The following JAK2 variants were observed in gnomAD, a reference collection of about 807,000 sequenced individuals.
The protein encoded by JAK2 is Janus kinase 2.
In JAK2, 86 loss-of-function variants were observed where a neutral mutation model predicts 139.3. The observed-to-expected ratio is 0.62, with a 90% confidence interval of 0.52 to 0.74. The LOEUF is 0.74. JAK2 is among the 30% of genes least tolerant of loss of function. The pLI is 0.00. For synonymous variants in JAK2, 490 were observed against 437.7 expected, an observed-to-expected ratio of 1.12 and a Z score of -1.49; for missense variants, 1,421 against 1,360.3, an observed-to-expected ratio of 1.04 and a Z score of -0.70.
chr9:4,994,301 G>A (rs1563911898), intron 2 of JAK2, among the ~76,000 whole-genome samples: 1 of 152,204 alleles, frequency 6.6e-6, no homozygotes, highest in Non-Finnish European at 1.5e-5. Context: ...ATTGAAGACA[G>A]TGAGGATTAA....
intron 2 of JAK2, among the ~76,000 whole-genome samples, chr9:4,991,968 C>T (rs1180577467): frequency 6.6e-6 from 1 of 152,126 alleles, no homozygotes; most frequent in Non-Finnish European, 1.5e-5. Flanking sequence ...ACAGAAACTA[C>T]CCAAAACTTA....
At chr9:5,072,941 A>C (rs1819069573) in intron 13 of JAK2, among the ~76,000 whole-genome samples, 1 of 151,018 alleles carries the variant, frequency 6.6e-6, no homozygotes, top group African/African-American at 2.5e-5. Flanking sequence ...CTCCTCTACA[A>C]TTACATTTAT....
chr9:5,002,016 T>A (rs1285493512), intron 2 of JAK2, among the ~76,000 whole-genome samples: 1 of 152,010 alleles, frequency 6.6e-6, no homozygotes, highest in Non-Finnish European at 1.5e-5. Flanking sequence ...TGTAGCGATA[T>A]CCTGCTTTTT....
At chr9:5,103,662 T>A (rs1056403772) in intron 22 of JAK2, among the ~76,000 whole-genome samples, 1 of 152,142 alleles carries the variant, frequency 6.6e-6, no homozygotes, top group African/African-American at 2.4e-5. Flanking sequence ...ATAGACCACA[T>A]AGAAGTAAAG....
chr9:5,037,909 CAT>C (rs1286173958), intron 4 of JAK2, among the ~76,000 whole-genome samples: 33 of 151,994 alleles, frequency 2.2e-4, no homozygotes, highest in Non-Finnish European at 4.9e-4. Context: ...ATCAAATAAA[CAT>C]AAGGTTAGTA....
At chr9:5,052,224 G>C (rs542371218) in intron 6 of JAK2, among the ~76,000 whole-genome samples, 4 of 152,150 alleles carry the variant, frequency 2.6e-5, no homozygotes, top group African/African-American at 9.6e-5. Context: ...CAAAGTCTTG[G>C]CACAATCTTT....
chr9:5,108,524 G>A (rs1232833521), intron 22 of JAK2: 4 of 151,942 alleles, frequency 2.6e-5, no homozygotes, highest in Admixed American at 2.6e-4. Flanking sequence ...CATGTATTAT[G>A]GCCTTTATAG....
chr9:5,087,889 C>T (rs764227756), intron 19 of JAK2, among the ~76,000 whole-genome samples: 2 of 152,042 alleles, frequency 1.3e-5, no homozygotes, highest in Non-Finnish European at 2.9e-5. Flanking sequence ...TCTTAGTGTA[C>T]ATTTATGTTT....
At chr9:5,028,534 A>G (rs1388855884) in intron 3 of JAK2, among the ~76,000 whole-genome samples, 1 of 152,192 alleles carries the variant, frequency 6.6e-6, no homozygotes, top group African/African-American at 2.4e-5. Context: ...GTTCTTTGAA[A>G]CTTTGAAGGC....
At chr9:5,068,765 A>T (rs980892126) in intron 10 of JAK2, among the ~76,000 whole-genome samples, 1 of 152,192 alleles carries the variant, frequency 6.6e-6, no homozygotes, top group Non-Finnish European at 1.5e-5. Flanking sequence ...TAAGGATGGT[A>T]TTGTTGCTAT....
intron 6 of JAK2, among the ~76,000 whole-genome samples, chr9:5,053,152 CTG>C (rs1209536263): frequency 3.3e-5 from 5 of 152,000 alleles, no homozygotes; most frequent in Non-Finnish European, 5.9e-5. Flanking sequence ...TTGTTTCTGT[CTG>C]TATTTTATCC....
Position 5,077,286 on chromosome 9 carries a change from C to T in JAK2, c.1865-167C>T, listed in dbSNP as rs1051810784. On this transcript the variant is annotated intron_variant, in intron 14 of 24. Transcript: ENST00000381652. ...TTGCTGTTGTAAGTAAACTAAAAAC[C>T]AAAAATATAATGCTGTGTATCCATT... Among the ~76,000 whole-genome samples the T allele has an allele frequency of 2.7e-5, 4 of 150,484 alleles. No homozygotes were observed. The East Asian group carries it at 7.7e-4, about 29-fold the overall frequency.
chr9:5,064,983 A>T lies in JAK2; in HGVS notation c.1157A>T (p.Glu386Val), dbSNP rs2130492975. The T allele has an allele frequency of 6.2e-7, 1 of 1,611,266 alleles. No homozygotes were observed. The highest frequency in any genetic ancestry group is 8.5e-7 in the Non-Finnish European group (1 of 1,178,402). ...TADAHHYLCK[E>V]VAPPAVLENI... Reference sequence around the variant, plus strand: ...GATGCACATCATTACCTCTGTAAAGAAGTAGCACCTCCAGCCGTGCTTGAA... The same window carrying T: ...GATGCACATCATTACCTCTGTAAAGTAGTAGCACCTCCAGCCGTGCTTGAA... The change falls in exon 9 of 25, where the codon GAA (glutamate) becomes GTA (valine). Residue 386 changes from glutamate to valine, a missense_variant. Physicochemically the swap from Glu to Val is moderately radical, Grantham distance 121 (BLOSUM62 -2). Coordinates refer to ENST00000381652, the MANE Select transcript of JAK2 (RefSeq NM_004972.4).
At chr9:5,033,339 T>A (rs1216358031) in intron 4 of JAK2, among the ~76,000 whole-genome samples, 1 of 152,188 alleles carries the variant, frequency 6.6e-6, no homozygotes, top group Admixed American at 6.5e-5. Context: ...CAGGAGAACT[T>A]CCCTAATCTA....
chr9:4,998,880 TAGTGC>T (rs942113548), intron 2 of JAK2, among the ~76,000 whole-genome samples: 1 of 151,976 alleles, frequency 6.6e-6, no homozygotes, highest in African/African-American at 2.4e-5. Flanking sequence ...ACCCAGGCTG[TAGTGC>T]AGTGGTGCGA....
At chr9:5,028,328 C>A (rs1021325875) in intron 3 of JAK2, among the ~76,000 whole-genome samples, 1 of 152,134 alleles carries the variant, frequency 6.6e-6, no homozygotes, top group Non-Finnish European at 1.5e-5. Flanking sequence ...TAGGTCTCAA[C>A]GGTGGCTTAA....
intron 5 of JAK2, among the ~76,000 whole-genome samples, chr9:5,046,426 C>G (rs1817014081): frequency 6.6e-6 from 1 of 152,100 alleles, no homozygotes; most frequent in African/African-American, 2.4e-5. Context: ...TCTAATTTAT[C>G]TATTTTTTGT....
In JAK2 at chr9:5,054,676, G is replaced by T; in HGVS notation, c.728G>T (p.Cys243Phe). The stretch of plus-strand genomic sequence containing the variant: ...AGATTTATTCAGCAATTCAGCCAAT[G>T]CAAAGCCACTGCCAGAAACTTGAAA... ...FRRFIQQFSQ[C>F]KATARNLKLK... The change falls in exon 7 of 25, where the codon TGC (cysteine) becomes TTC (phenylalanine). Residue 243 changes from cysteine to phenylalanine, a missense_variant. Cys to Phe is a radical substitution (Grantham distance 205). Transcript: ENST00000381652. The surrounding 1 kb of genome is among the most constrained non-coding windows in gnomAD (Gnocchi z 4.9). The T allele has an allele frequency of 6.2e-7, 1 of 1,613,408 alleles. No individual in the cohort carries two copies. Among genetic ancestry groups the T allele is most frequent in the South Asian group, 1.1e-5 (1 of 91,050 alleles).
chr9:5,107,572 G>C (rs997011457), intron 22 of JAK2, among the ~76,000 whole-genome samples: 2 of 152,010 alleles, frequency 1.3e-5, no homozygotes, highest in African/African-American at 4.8e-5. Flanking sequence ...AATTGAATTG[G>C]TAAATAGTTT....
Sources: gnomAD v4.1 joint callset for allele counts (sites outside exome capture counted in the v4.1 genomes callset) on GRCh38, gnomAD v4.1.1 for gene constraint, Gnocchi (gnomAD v3.1) non-coding constraint, MANE v1.5 for transcripts, NCBI Gene and HGNC (gene_info 2026-07-23, HGNC 2026-07-21) for gene names.